FAM170A: variants seen among roughly 807,000 people sequenced by gnomAD.
FAM170A encodes the protein protein FAM170A.
In FAM170A, 28 loss-of-function variants were observed where a neutral mutation model predicts 36.6. The ratio of observed to expected loss-of-function variants is 0.76; its 90% CI spans 0.57 to 1.05. FAM170A has a LOEUF of 1.05. Among genes scored for constraint, FAM170A ranks in the 50% least tolerant of loss-of-function variants. The pLI is 0.00. For missense variants in FAM170A, 434 were observed against 396.5 expected, an observed-to-expected ratio of 1.09 and a Z score of -0.80; for synonymous variants, 156 against 143.9, an observed-to-expected ratio of 1.08 and a Z score of -0.60.
intron 3 of FAM170A, 63 bp from the exon 4 acceptor site, chr5:119,634,965 T>A: frequency 6.2e-7 from 1 of 1,604,930 alleles, no homozygotes; most frequent in Non-Finnish European, 8.5e-7. Context: ...TGCAGGAAAT[T>A]CTGAGAATTT....
chr5:119,629,852 A>C lies in FAM170A; in HGVS notation c.70+14A>C. ...AGAAGGGAGGAGGTATGTGCGGGGC[A>C]AACTTTCTGGGGCACAAGCGTCACT... On this transcript the variant is annotated intron_variant, in intron 1 of 4. Coordinates refer to ENST00000613773, the Ensembl canonical transcript of FAM170A. The C allele has an allele frequency of 6.2e-7, 1 of 1,606,972 alleles. No homozygotes were observed. The highest frequency in any genetic ancestry group is 2.2e-5 in the East Asian group (1 of 44,784).
chr5:119,634,217 A>G lies in FAM170A; in HGVS notation c.469A>G (p.Arg157Gly), dbSNP rs1756323453. The G allele has an allele frequency of 6.2e-7, 1 of 1,614,242 alleles. No homozygotes were observed. Among genetic ancestry groups the G allele is most frequent in the Non-Finnish European group, 8.5e-7 (1 of 1,180,046 alleles). ...TTTGGAGTCCTTAGAAAAGCAGCCAAGGATGGAAGAAGTGACCCTTTCTGA... is the reference window on the plus strand; with the variant it reads ...TTTGGAGTCCTTAGAAAAGCAGCCAGGGATGGAAGAAGTGACCCTTTCTGA... The change falls in exon 3 of 5, where the codon AGG becomes GGG. Residue 157 changes from arginine (R) to glycine (G), a missense_variant. Coordinates refer to ENST00000613773, the Ensembl canonical transcript of FAM170A.
intron 1 of FAM170A, among the ~76,000 whole-genome samples, chr5:119,631,101 C>A (rs1756240395): frequency 6.6e-6 from 1 of 152,226 alleles, no homozygotes; most frequent in South Asian, 2.1e-4. Context: ...ACTTCCCAGG[C>A]TGCATGATAA....
chr5:119,629,851 C>T lies in FAM170A; in HGVS notation c.70+13C>T. ...GAGAAGGGAGGAGGTATGTGCGGGG[C>T]AAACTTTCTGGGGCACAAGCGTCAC... On this transcript the variant is annotated intron_variant, in intron 1 of 4. Transcript: ENST00000613773. The T allele has an allele frequency of 1.9e-6, 3 of 1,607,324 alleles. No homozygotes were observed. The highest frequency in any genetic ancestry group is 2.6e-6 in the Non-Finnish European group (3 of 1,174,410).
chr5:119,634,442 G>A lies in FAM170A; in HGVS notation c.694G>A (p.Ala232Thr). ...CATGGAGAACGGCTTCAGGTGCATG[G>A]CCTGCTGCCGGGTGTTCACCACCAT... The change falls in exon 3 of 5, where the codon GCC (alanine) becomes ACC (threonine). Residue 232 changes from alanine to threonine, a missense_variant. By Grantham distance (58) the Ala-to-Thr change is moderately conservative. Coordinates refer to ENST00000613773, the Ensembl canonical transcript of FAM170A. 3.7e-6 allele frequency: 6 copies of A among 1,614,176 alleles called. No individual in the cohort carries two copies. In the South Asian group the frequency reaches 6.6e-5, roughly 18 times the overall value.
In FAM170A at chr5:119,633,878, G is replaced by A. The variant is rs1022077899; in HGVS notation, c.212-82G>A. The stretch of plus-strand genomic sequence containing the variant: ...CATCTCACCACAGTCCCTGTCTCCT[G>A]CACCACACATATTTAACTTACGTTC... On this transcript the variant is annotated intron_variant, in intron 2 of 4. Coordinates refer to ENST00000613773, the Ensembl canonical transcript of FAM170A. The A allele has an allele frequency of 8.5e-6, 13 of 1,523,596 alleles. No individual in the cohort carries two copies. In the Admixed American group the frequency reaches 1.0e-4, roughly 12 times the overall value. 94.4% of individuals were successfully genotyped at this position (1,523,596 alleles called of 1,614,324 possible).
At chr5:119,633,365 T>C (rs1398069683) in intron 2 of FAM170A, among the ~76,000 whole-genome samples, 18 of 152,080 alleles carry the variant, frequency 1.2e-4, no homozygotes, top group Admixed American at 1.2e-3. Context: ...TGAGCCCTGG[T>C]GTGCAGTCAG....
At chr5:119,634,687 C>T (rs2126974799) in exon 3 of FAM170A, 1 of 1,563,676 alleles carries the variant, frequency 6.4e-7, no homozygotes, top group Non-Finnish European at 8.6e-7. Flanking sequence ...TGAGGAGATC[C>T]TGGAGCCAAT....
intron 2 of FAM170A, 61 bp downstream of exon 2, chr5:119,632,949 A>C (rs748691579): frequency 1.0e-5 from 15 of 1,501,068 alleles, no homozygotes; most frequent in Non-Finnish European, 1.3e-5. Context: ...TTGGGCATGA[A>C]AATATTTGAG....
chr5:119,630,345 G>C (rs1250504966), intron 1 of FAM170A, among the ~76,000 whole-genome samples: 1 of 76,228 alleles, frequency 1.3e-5, no homozygotes, highest in South Asian at 3.5e-4. Context: ...TTTTTTTTTT[G>C]TATTTGTAGT....
Position 119,632,900 on chromosome 5 carries a change from G to C in FAM170A, c.211+12G>C. ...GCTCATCCACAGTGGTAAGGGTGCA[G>C]GGTTCCTTCGGCACGTGGCTCCTTG... is the stretch of plus-strand genomic sequence containing the variant. On this transcript the variant is annotated intron_variant, in intron 2 of 4. Transcript: ENST00000613773. The C allele has an allele frequency of 6.4e-7, 1 of 1,570,736 alleles. No individual in the cohort carries two copies. Among genetic ancestry groups the C allele is most frequent in the Non-Finnish European group, 8.7e-7 (1 of 1,152,232 alleles).
exon 3 of FAM170A, chr5:119,634,083 C>T: frequency 6.2e-7 from 1 of 1,614,162 alleles, no homozygotes; most frequent in Non-Finnish European, 8.5e-7. Flanking sequence ...TCCTATAAGA[C>T]TTGTGTGTCC....
chr5:119,631,434 G>A (rs1038882063), intron 1 of FAM170A, among the ~76,000 whole-genome samples: 6 of 151,932 alleles, frequency 3.9e-5, no homozygotes, highest in African/African-American at 1.2e-4. Context: ...TGTTGGGAGG[G>A]GGAGGACTGG....
At chr5:119,631,439 G>A (rs1432536917) in intron 1 of FAM170A, among the ~76,000 whole-genome samples, 1 of 151,908 alleles carries the variant, frequency 6.6e-6, no homozygotes, top group Admixed American at 6.6e-5. Flanking sequence ...GGAGGGGGAG[G>A]ACTGGAGATA....
chr5:119,634,709 G>A, exon 3 of FAM170A: 3 of 1,546,970 alleles, frequency 1.9e-6, no homozygotes, highest in South Asian at 1.3e-5. Context: ...TCCAGGCTGT[G>A]TGTTTCATTC....
At chr5:119,631,144 C>A (rs930088474) in intron 1 of FAM170A, among the ~76,000 whole-genome samples, 5 of 152,152 alleles carry the variant, frequency 3.3e-5, no homozygotes, top group African/African-American at 1.2e-4. Context: ...AGCCACTTAT[C>A]CTGAAAGGGG....
At chr5:119,634,574 A>G in exon 3 of FAM170A, 1 of 1,613,536 alleles carries the variant, frequency 6.2e-7, no homozygotes, top group Non-Finnish European at 8.5e-7. Context: ...ATCAGAGAGC[A>G]CCCAAGATGA....
At chr5:119,634,525 C>G (rs768328557) in exon 3 of FAM170A, 1 of 1,613,622 alleles carries the variant, frequency 6.2e-7, no homozygotes, top group Non-Finnish European at 8.5e-7. Flanking sequence ...GCTGCCACGT[C>G]TTTCATCTCA....
chr5:119,632,708 C>A (rs1478651105), intron 1 of FAM170A, 40 bp from the exon 2 acceptor site: 21 of 1,490,390 alleles, frequency 1.4e-5, no homozygotes, highest in Non-Finnish European at 1.9e-5. Flanking sequence ...ACAAACATTA[C>A]CCATCCATCA....
Sources: allele counts gnomAD v4.1 joint callset (sites outside exome capture counted in the v4.1 genomes callset), GRCh38; gene constraint gnomAD v4.1.1; transcripts MANE v1.5; gene names NCBI Gene and HGNC (gene_info 2026-07-23, HGNC 2026-07-21).